The following ANXA4 variants were observed in gnomAD, a reference collection of about 807,000 sequenced individuals.
ANXA4 encodes 35-beta calcimedin.
In ANXA4, 39 loss-of-function variants were observed where a neutral mutation model predicts 49.8. The observed-to-expected ratio is 0.78, with a 90% confidence interval of 0.61 to 1.02. The LOEUF is 1.02. Ranked by LOEUF, ANXA4 falls within the 50% of genes least tolerant of loss-of-function variation. The probability of loss-of-function intolerance (pLI) is 0.00; values close to 1 mark genes in which losing one functional copy is unlikely to be tolerated. For synonymous variants in ANXA4, 134 were observed against 152.5 expected, an observed-to-expected ratio of 0.88 and a Z score of 0.89; for missense variants, 360 against 410.1, an observed-to-expected ratio of 0.88 and a Z score of 1.05.
intron 3 of ANXA4, among the ~76,000 whole-genome samples, chr2:69,790,442 C>G (rs957506903): frequency 6.6e-6 from 1 of 151,902 alleles, no homozygotes; most frequent in Non-Finnish European, 1.5e-5. Flanking sequence ...GGTTTCTAAG[C>G]GAGAAGAGAT....
intron 1 of ANXA4, among the ~76,000 whole-genome samples, chr2:69,752,758 A>C (rs1670899106): frequency 1.3e-5 from 2 of 152,196 alleles, no homozygotes. Context: ...ATGAATGGAC[A>C]ATTTCCCATG....
At chr2:69,722,423 T>C (rs1182676066) in intron 3 of ANXA4, among the ~76,000 whole-genome samples, 1 of 152,216 alleles carries the variant, frequency 6.6e-6, no homozygotes, top group Non-Finnish European at 1.5e-5. Context: ...TTCAATGGAA[T>C]ATTATTCAGC....
chr2:69,825,413 A>G, intron 12 of ANXA4, 43 bp from the exon 13 acceptor site: 1 of 1,546,834 alleles, frequency 6.5e-7, no homozygotes, highest in East Asian at 2.3e-5. Flanking sequence ...TGTGTGTTTC[A>G]TTTTAAAATC....
In ANXA4 at chr2:69,773,985, G is replaced by T. The variant is rs1231379358; in HGVS notation, c.-46-7535G>T. On this transcript the variant is annotated intron_variant, in intron 1 of 12. Coordinates refer to ENST00000394295, the MANE Select transcript of ANXA4 (RefSeq NM_001153.5). Reference sequence around the variant, plus strand: ...GTAGCTGGGATTACAGGCATGCCAGGCTAATTTTGCTATTTTTAGTAGAGG... The same window carrying T: ...GTAGCTGGGATTACAGGCATGCCAGTCTAATTTTGCTATTTTTAGTAGAGG... Among the ~76,000 whole-genome samples, 4 of 151,762 alleles carry T rather than the reference G, an allele frequency of 2.6e-5. No individual in the cohort carries two copies. In the East Asian group the frequency reaches 5.8e-4, roughly 22 times the overall value.
intron 6 of ANXA4, chr2:69,810,359 GACTCCATCTC>G: frequency 2.1e-6 from 1 of 477,172 alleles, no homozygotes; most frequent in Non-Finnish European, 3.9e-6. Context: ...AACAGAATGA[GACTCCATCTC>G]AAAAGAAACA....
intron 2 of ANXA4, among the ~76,000 whole-genome samples, chr2:69,656,393 ATATATATGTATATATATG>A (rs1676490726): frequency 2.3e-5 from 2 of 87,188 alleles, no homozygotes; most frequent in Non-Finnish European, 2.8e-5. Flanking sequence ...ATATATGTGT[ATATATATGTATATATATG>A]TATATATATA....
At chr2:69,737,595 GTATT>G (rs1295419609), upstream of ANXA4, among the ~76,000 whole-genome samples, 2 of 151,738 alleles carry the variant, frequency 1.3e-5, no homozygotes, top group African/African-American at 4.8e-5. Flanking sequence ...CTTTTTTAGG[GTATT>G]TATTTATTTA....
chr2:69,653,800 G>T (rs1169743550), intron 2 of ANXA4, among the ~76,000 whole-genome samples: 1 of 152,172 alleles, frequency 6.6e-6, no homozygotes, highest in Non-Finnish European at 1.5e-5. Flanking sequence ...ATTTAAAGTA[G>T]TTTTTTCTAA....
Position 69,695,948 on chromosome 2 carries a change from G to GT in ANXA4, n.767-24824dup, listed in dbSNP as rs1324939993. Among the ~76,000 whole-genome samples the GT allele has an allele frequency of 2.0e-5, 3 of 152,196 alleles. No homozygotes were observed. In the South Asian group the frequency reaches 6.2e-4, roughly 31 times the overall value. On this transcript the variant is annotated intron_variant and non_coding_transcript_variant, in intron 2 of 3. Transcript: ENST00000418066. ...TAACAGTCATCTGAGCCTTTAGTGAGTTGAAATCTTTTTGCTAGTGGAGGA... is the reference window on the plus strand; with the variant it reads ...TAACAGTCATCTGAGCCTTTAGTGAGTTTGAAATCTTTTTGCTAGTGGAGGA...
intron 3 of ANXA4, among the ~76,000 whole-genome samples, chr2:69,726,244 G>A (rs771933446): frequency 2.0e-5 from 3 of 152,126 alleles, no homozygotes; most frequent in Non-Finnish European, 2.9e-5. Flanking sequence ...CTGCCAACAC[G>A]TAAGACGCCT....
At chr2:69,731,131 A>G (rs1670084791) in intron 3 of ANXA4, among the ~76,000 whole-genome samples, 1 of 152,220 alleles carries the variant, frequency 6.6e-6, no homozygotes, top group Admixed American at 6.5e-5. Context: ...AGGTAACAAC[A>G]TAGGGCCTGG....
intron 1 of ANXA4, among the ~76,000 whole-genome samples, chr2:69,649,514 G>C (rs1287941627): frequency 1.3e-5 from 2 of 148,470 alleles, no homozygotes; most frequent in African/African-American, 5.0e-5. Flanking sequence ...GTGCTTTACT[G>C]TCAAATGTTT....
At chr2:69,693,201 G>T (rs865823509) in intron 2 of ANXA4, among the ~76,000 whole-genome samples, 12 of 152,082 alleles carry the variant, frequency 7.9e-5, no homozygotes, top group African/African-American at 2.2e-4. Flanking sequence ...ATAGCTGCCT[G>T]CAATGCAGTT....
chr2:69,716,459 G>C (rs1669633402), intron 2 of ANXA4, among the ~76,000 whole-genome samples: 1 of 152,172 alleles, frequency 6.6e-6, no homozygotes, highest in Non-Finnish European at 1.5e-5. Flanking sequence ...GAGCAGCTCA[G>C]GATGACTTGA....
intron 2 of ANXA4, among the ~76,000 whole-genome samples, chr2:69,697,431 T>C (rs780272192): frequency 5.3e-5 from 8 of 152,240 alleles, no homozygotes; most frequent in Non-Finnish European, 1.2e-4. Flanking sequence ...TCTATCCAGC[T>C]CACTGAAACT....
At position 69,820,716 on chromosome 2, in the gene ANXA4, T is replaced by C. The variant is rs777244091; in HGVS notation, c.801T>C (p.Asp267=). 6.2e-7 allele frequency: 1 copy of C among 1,614,120 alleles called. No individual in the cohort carries two copies. The highest frequency in any genetic ancestry group is 1.1e-5 in the South Asian group (1 of 91,078). Residue 267 remains aspartate, a synonymous_variant, in exon 12 of 13, where the codon GAT becomes GAC. Transcript: ENST00000394295. ...TTCCTTAGGGCTTGGGCACCGATGATAACACCCTCATCAGAGTGATGGTTT... is the reference window on the plus strand; with the variant it reads ...TTCCTTAGGGCTTGGGCACCGATGACAACACCCTCATCAGAGTGATGGTTT... The part of the protein sequence containing the change: ...YKSMKGLGTD[D]NTLIRVMVSR...
At chr2:69,687,773 C>T (rs1012112719) in intron 2 of ANXA4, among the ~76,000 whole-genome samples, 5 of 152,078 alleles carry the variant, frequency 3.3e-5, no homozygotes, top group South Asian at 2.1e-4. Flanking sequence ...GGATTACAGG[C>T]GTGGGCTGCC....
At chr2:69,742,111 C>G (rs1347685061), upstream of ANXA4, 1 of 152,280 alleles carries the variant, frequency 6.6e-6, no homozygotes, top group Non-Finnish European at 1.5e-5. Flanking sequence ...GGATAAGACC[C>G]GCTGTCTGGC....
intron 1 of ANXA4, among the ~76,000 whole-genome samples, chr2:69,646,811 C>T (rs1012457131): frequency 1.3e-5 from 2 of 152,116 alleles, no homozygotes; most frequent in Non-Finnish European, 2.9e-5. Context: ...GCTCACTGAC[C>T]ACTAGATGCT....
Sources: gnomAD v4.1 joint callset for allele counts (sites outside exome capture counted in the v4.1 genomes callset) on GRCh38, gnomAD v4.1.1 for gene constraint, MANE v1.5 for transcripts, NCBI Gene and HGNC (gene_info 2026-07-23, HGNC 2026-07-21) for gene names.